OR56B4: variants seen among roughly 807,000 people sequenced by gnomAD.
OR56B4 encodes olfactory receptor 56B4.
For synonymous variants in OR56B4, 142 were observed against 149.5 expected (o/e 0.95, Z 0.37); for missense variants, 447 against 384.6 (o/e 1.16, Z -1.36).
At position 6,108,782 on chromosome 11, in the gene OR56B4, G is replaced by A. The variant is rs756308116; in HGVS notation, c.*44G>A. 5.0e-6 allele frequency: 8 copies of A among 1,592,740 alleles called. No individual in the cohort carries two copies. Among genetic ancestry groups the A allele is most frequent in the Non-Finnish European group, 3.4e-6 (4 of 1,165,080 alleles). ...AGTAAGATGTTAGGAAATGACAGAG[G>A]TTTTAGTTCTCAATAGATCAGGGTT... On this transcript the variant is annotated 3_prime_UTR_variant, in exon 1 of 1. Transcript: ENST00000316529.
chr11:6,108,075 C>A lies in OR56B4; in HGVS notation c.297C>A (p.Ser99Arg), dbSNP rs755464495. Residue 99 changes from serine (S) to arginine (R), a missense_variant, in exon 1 of 1, where the codon AGC becomes AGA. Transcript: ENST00000316529. The part of the protein sequence containing the change: ...AIFWFDAKAI[S>R]LPMCFAQIYA... The stretch of plus-strand genomic sequence containing the variant: ...TCTGGTTTGATGCCAAGGCCATTAG[C>A]CTCCCCATGTGTTTTGCTCAGATCT... 3 of 1,614,112 alleles carry A rather than the reference C, an allele frequency of 1.9e-6. No homozygotes were observed. Among genetic ancestry groups the A allele is most frequent in the Admixed American group, 3.3e-5 (2 of 60,024 alleles).
In OR56B4 at chr11:6,108,553, G is replaced by A; in HGVS notation, c.775G>A (p.Gly259Ser). 1 of 1,614,058 alleles carries A rather than the reference G, an allele frequency of 6.2e-7. No homozygotes were observed. The highest frequency in any genetic ancestry group is 8.5e-7 in the Non-Finnish European group (1 of 1,179,974). The change falls in exon 1 of 1, where the codon GGT becomes AGT. Residue 259 changes from glycine to serine, a missense_variant. Physicochemically the swap from Gly to Ser is moderately conservative, Grantham distance 56 (BLOSUM62 0). Coordinates refer to ENST00000316529, the MANE Select transcript of OR56B4 (RefSeq NM_001005181.2). Reference protein sequence around the residue: ...SHLILILFHTGIIVLSVTHLA... With the variant: ...SHLILILFHTSIIVLSVTHLA... ...CCTCATCCTCATCCTCTTCCACACA[G>A]GTATCATTGTGCTGTCTGTCACACA...
Position 6,108,202 on chromosome 11 carries a change from G to T in OR56B4, c.424G>T (p.Val142Phe). ...ICRPLQYPSIVTKAFVFKATG... is the reference protein window; with the variant it reads ...ICRPLQYPSIFTKAFVFKATG... The stretch of plus-strand genomic sequence containing the variant: ...TCGCCCTCTTCAGTACCCCTCCATA[G>T]TCACTAAAGCTTTTGTCTTCAAAGC... Residue 142 changes from valine to phenylalanine, a missense_variant, in exon 1 of 1, where the codon GTC becomes TTC. Val to Phe is a conservative substitution (Grantham distance 50, BLOSUM62 -1). Transcript: ENST00000316529. 1 of 1,614,136 alleles carries T rather than the reference G, an allele frequency of 6.2e-7. No homozygotes were observed. Among genetic ancestry groups the T allele is most frequent in the African/African-American group, 1.3e-5 (1 of 75,044 alleles).
At position 6,107,738 on chromosome 11, in the gene OR56B4, C is replaced by A; in HGVS notation, c.-41C>A. 1.9e-6 allele frequency: 3 copies of A among 1,564,816 alleles called. No homozygotes were observed. The highest frequency in any genetic ancestry group is 1.2e-5 in the South Asian group (1 of 82,382). On this transcript the variant is annotated 5_prime_UTR_variant, in exon 1 of 1. Transcript: ENST00000316529. ...TAGCTGAACTTTTAAACAGAGATTT[C>A]TTCTATTTCAGACAGACACTGAGAC...
chr11:6,107,827 C>A lies in OR56B4; in HGVS notation c.49C>A (p.Gln17Lys). ...CTATGACTCCAGCCTCCAGATTTCC[C>A]AGTTCATCCTGATGGGATTACCAGG... ...VTYDSSLQIS[Q>K]FILMGLPGIH... Residue 17 changes from glutamine to lysine, a missense_variant, in exon 1 of 1, where the codon CAG (glutamine) becomes AAG (lysine). Transcript: ENST00000316529. 1 of 1,613,946 alleles carries A rather than the reference C, an allele frequency of 6.2e-7. No individual in the cohort carries two copies. The highest frequency in any genetic ancestry group is 1.6e-4 in the Middle Eastern group (1 of 6,062).
chr11:6,108,538 A>G lies in OR56B4; in HGVS notation c.760A>G (p.Ile254Val). The G allele has an allele frequency of 1.2e-6, 2 of 1,614,078 alleles. No homozygotes were observed. Among genetic ancestry groups the G allele is most frequent in the Non-Finnish European group, 1.7e-6 (2 of 1,179,978 alleles). ...CACTTGTAGCTCCCACCTCATCCTC[A>G]TCCTCTTCCACACAGGTATCATTGT... ...LSTCSSHLIL[I>V]LFHTGIIVLS... The change falls in exon 1 of 1, where the codon ATC becomes GTC. Residue 254 changes from isoleucine (I) to valine (V), a missense_variant. By Grantham distance (29) the Ile-to-Val change is conservative. Coordinates refer to ENST00000316529, the MANE Select transcript of OR56B4 (RefSeq NM_001005181.2).
chr11:6,108,173 T>C lies in OR56B4; in HGVS notation c.395T>C (p.Ile132Thr). 6.2e-7 allele frequency: 1 copy of C among 1,614,166 alleles called. No homozygotes were observed. The highest frequency in any genetic ancestry group is 8.5e-7 in the Non-Finnish European group (1 of 1,180,008). Residue 132 changes from isoleucine (I) to threonine (T), a missense_variant, in exon 1 of 1, where the codon ATC becomes ACC. By Grantham distance (89) the Ile-to-Thr change is moderately conservative. Transcript: ENST00000316529. ...LCMAVDRYIA[I>T]CRPLQYPSIV... The stretch of plus-strand genomic sequence containing the variant: ...ATGGCAGTAGACAGATACATAGCCA[T>C]CTGTCGCCCTCTTCAGTACCCCTCC...
chr11:6,108,549 C>T lies in OR56B4; in HGVS notation c.771C>T (p.His257=), dbSNP rs1442091173. The T allele has an allele frequency of 1.9e-6, 3 of 1,614,118 alleles. No individual in the cohort carries two copies. The highest frequency in any genetic ancestry group is 1.7e-5 in the Admixed American group (1 of 60,022). The change falls in exon 1 of 1, where the codon CAC becomes CAT. Residue 257 remains histidine (H), a synonymous_variant. Coordinates refer to ENST00000316529, the MANE Select transcript of OR56B4 (RefSeq NM_001005181.2). The part of the protein sequence containing the change: ...CSSHLILILF[H]TGIIVLSVTH... The stretch of plus-strand genomic sequence containing the variant: ...CCCACCTCATCCTCATCCTCTTCCA[C>T]ACAGGTATCATTGTGCTGTCTGTCA...
In OR56B4 at chr11:6,108,409, G is replaced by A. The variant is rs779511351; in HGVS notation, c.631G>A (p.Val211Ile). The A allele has an allele frequency of 8.1e-6, 13 of 1,614,012 alleles. No individual in the cohort carries two copies. In the South Asian group the frequency reaches 1.3e-4, roughly 16 times the overall value. ...ATTTTACCAACTGATGCTAGCATGG[G>A]TCTTGGTTGGGAGTGATATGGCTCT... The part of the protein sequence containing the change: ...NKFYQLMLAW[V>I]LVGSDMALVF... The change falls in exon 1 of 1, where the codon GTC (valine) becomes ATC (isoleucine). Residue 211 changes from valine to isoleucine, a missense_variant. Coordinates refer to ENST00000316529, the MANE Select transcript of OR56B4 (RefSeq NM_001005181.2).
In OR56B4 at chr11:6,108,690, A is replaced by G. The variant is rs1387195651; in HGVS notation, c.912A>G (p.Arg304=). ...GTGCACTCAGGATGCACAAACTCAG[A>G]CTGGGCTTTCAGAGACTGCTTGGAC... ...LACALRMHKL[R]LGFQRLLGLG... Residue 304 remains arginine, a synonymous_variant, in exon 1 of 1, where the codon AGA becomes AGG. Transcript: ENST00000316529. 6.2e-7 allele frequency: 1 copy of G among 1,614,006 alleles called. No individual in the cohort carries two copies. Among genetic ancestry groups the G allele is most frequent in the African/African-American group, 1.3e-5 (1 of 74,910 alleles).
rs761857683 is a variant in OR56B4, at chr11:6,108,152, C to T, written c.374C>T (p.Ala125Val). ...CIESGIFLCM[A>V]VDRYIAICRP... ...GAGTCAGGCATCTTTCTCTGCATGG[C>T]AGTAGACAGATACATAGCCATCTGT... Residue 125 changes from alanine (A) to valine (V), a missense_variant, in exon 1 of 1, where the codon GCA becomes GTA. Transcript: ENST00000316529. 16 of 1,614,026 alleles carry T rather than the reference C, an allele frequency of 9.9e-6. No homozygotes were observed. The highest frequency in any genetic ancestry group is 1.3e-5 in the Non-Finnish European group (15 of 1,179,996).
chr11:6,108,040 C>G lies in OR56B4; in HGVS notation c.262C>G (p.Leu88Val). 2 of 1,614,182 alleles carry G rather than the reference C, an allele frequency of 1.2e-6. No homozygotes were observed. The highest frequency in any genetic ancestry group is 1.7e-6 in the Non-Finnish European group (2 of 1,180,018). Residue 88 changes from leucine to valine, a missense_variant, in exon 1 of 1, where the codon CTG becomes GTG. By Grantham distance (32) the Leu-to-Val change is conservative. Coordinates refer to ENST00000316529, the MANE Select transcript of OR56B4 (RefSeq NM_001005181.2). The part of the protein sequence containing the change: ...GLATTIMPKI[L>V]AIFWFDAKAI... ...GGCCACCACCATCATGCCCAAGATCCTGGCCATCTTCTGGTTTGATGCCAA... is the reference window on the plus strand; with the variant it reads ...GGCCACCACCATCATGCCCAAGATCGTGGCCATCTTCTGGTTTGATGCCAA...
Position 6,108,055 on chromosome 11 carries a change from T to C in OR56B4, c.277T>C (p.Phe93Leu), listed in dbSNP as rs1176172854. The C allele has an allele frequency of 6.2e-7, 1 of 1,614,032 alleles. No individual in the cohort carries two copies. Among genetic ancestry groups the C allele is most frequent in the Non-Finnish European group, 8.5e-7 (1 of 1,180,004 alleles). The part of the protein sequence containing the change: ...IMPKILAIFW[F>L]DAKAISLPMC... The stretch of plus-strand genomic sequence containing the variant: ...GCCCAAGATCCTGGCCATCTTCTGG[T>C]TTGATGCCAAGGCCATTAGCCTCCC... The change falls in exon 1 of 1, where the codon TTT becomes CTT. Residue 93 changes from phenylalanine to leucine, a missense_variant. Coordinates refer to ENST00000316529, the MANE Select transcript of OR56B4 (RefSeq NM_001005181.2).
rs752456178 is a variant in OR56B4, at chr11:6,108,780, AG to A, written c.*44del. ...CCAGTAAGATGTTAGGAAATGACAG[AG>A]GTTTTAGTTCTCAATAGATCAGGGT... is the stretch of plus-strand genomic sequence containing the variant. On this transcript the variant is annotated 3_prime_UTR_variant, in exon 1 of 1. Transcript: ENST00000316529. 8 of 1,596,302 alleles carry A rather than the reference AG, an allele frequency of 5.0e-6. No homozygotes were observed. The African/African-American group carries it at 1.1e-4, about 21-fold the overall frequency.
At position 6,108,302 on chromosome 11, in the gene OR56B4, G is replaced by C. The variant is rs747949798; in HGVS notation, c.524G>C (p.Cys175Ser). ...ATACTGGCTGCCCAGAGACACTACT[G>C]TTCCAGGAATGAAATCGAGCACTGC... ...VPILAAQRHY[C>S]SRNEIEHCLC... The change falls in exon 1 of 1, where the codon TGT becomes TCT. Residue 175 changes from cysteine (C) to serine (S), a missense_variant. Coordinates refer to ENST00000316529, the MANE Select transcript of OR56B4 (RefSeq NM_001005181.2). The C allele has an allele frequency of 1.2e-5, 20 of 1,614,054 alleles. No homozygotes were observed. In the East Asian group the frequency reaches 3.8e-4, roughly 31 times the overall value.
At position 6,107,918 on chromosome 11, in the gene OR56B4, C is replaced by G. The variant is rs769394937; in HGVS notation, c.140C>G (p.Ala47Gly). ...LTLLYLLALGANLLIIITIQH... is the reference protein window; with the variant it reads ...LTLLYLLALGGNLLIIITIQH... Reference sequence around the variant, plus strand: ...CTGCTCTACCTCTTAGCTCTTGGTGCCAATCTCCTCATCATAATCACCATT... The same window carrying G: ...CTGCTCTACCTCTTAGCTCTTGGTGGCAATCTCCTCATCATAATCACCATT... The change falls in exon 1 of 1, where the codon GCC (alanine) becomes GGC (glycine). Residue 47 changes from alanine to glycine, a missense_variant. Coordinates refer to ENST00000316529, the MANE Select transcript of OR56B4 (RefSeq NM_001005181.2). 5.0e-6 allele frequency: 8 copies of G among 1,613,988 alleles called. No homozygotes were observed. The highest frequency in any genetic ancestry group is 5.1e-6 in the Non-Finnish European group (6 of 1,180,000).
Position 6,107,995 on chromosome 11 carries a change from G to A in OR56B4, c.217G>A (p.Ala73Thr). ...EPMYHLLGIL[A>T]VVDIGLATTI... is the part of the protein sequence containing the mutation. ...CATGTACCATTTGCTGGGCATATTA[G>A]CAGTGGTGGACATTGGCCTGGCCAC... Residue 73 changes from alanine to threonine, a missense_variant, in exon 1 of 1, where the codon GCA becomes ACA. By Grantham distance (58) the Ala-to-Thr change is moderately conservative (BLOSUM62 0). Coordinates refer to ENST00000316529, the MANE Select transcript of OR56B4 (RefSeq NM_001005181.2). 1 of 1,614,102 alleles carries A rather than the reference G, an allele frequency of 6.2e-7. No homozygotes were observed. Among genetic ancestry groups the A allele is most frequent in the South Asian group, 1.1e-5 (1 of 91,088 alleles).
rs560313546 is a variant in OR56B4, at chr11:6,107,955, C to G, written c.177C>G (p.Thr59=). 1 of 1,613,970 alleles carries G rather than the reference C, an allele frequency of 6.2e-7. No individual in the cohort carries two copies. The highest frequency in any genetic ancestry group is 8.5e-7 in the Non-Finnish European group (1 of 1,179,920). The change falls in exon 1 of 1, where the codon ACC becomes ACG. Residue 59 remains threonine (T), a synonymous_variant. Coordinates refer to ENST00000316529, the MANE Select transcript of OR56B4 (RefSeq NM_001005181.2). ...TCATAATCACCATTCAACATGAGACCGTGCTACATGAACCCATGTACCATT... is the reference window on the plus strand; with the variant it reads ...TCATAATCACCATTCAACATGAGACGGTGCTACATGAACCCATGTACCATT... The part of the protein sequence containing the change: ...LLIIITIQHE[T]VLHEPMYHLL...
At position 6,107,918 on chromosome 11, in the gene OR56B4, C is replaced by T. The variant is rs769394937; in HGVS notation, c.140C>T (p.Ala47Val). The T allele has an allele frequency of 1.2e-5, 19 of 1,613,988 alleles. No homozygotes were observed. In the Admixed American group the frequency reaches 2.0e-4, roughly 17 times the overall value. ...LTLLYLLALG[A>V]NLLIIITIQH... ...CTGCTCTACCTCTTAGCTCTTGGTGCCAATCTCCTCATCATAATCACCATT... is the reference window on the plus strand; with the variant it reads ...CTGCTCTACCTCTTAGCTCTTGGTGTCAATCTCCTCATCATAATCACCATT... Residue 47 changes from alanine to valine, a missense_variant, in exon 1 of 1, where the codon GCC becomes GTC. By Grantham distance (64) the Ala-to-Val change is moderately conservative. Transcript: ENST00000316529.
Sources: gnomAD v4.1 joint callset for allele counts on GRCh38, gnomAD v4.1.1 for gene constraint, MANE v1.5 for transcripts, NCBI Gene and HGNC (gene_info 2026-07-23, HGNC 2026-07-21) for gene names.